The following WSB2 variants were observed in gnomAD, a reference collection of about 807,000 sequenced individuals.
WSB2 encodes the protein WD repeat and SOCS box containing 2.
WSB2 carries 12 observed loss-of-function variants against 48.8 expected under a neutral mutation model. That is an observed-to-expected ratio of 0.25 (90% confidence interval 0.16 to 0.40). The LOEUF (loss-of-function observed/expected upper bound fraction) is 0.40. WSB2 is among the 10% of genes least tolerant of loss of function. The pLI is 1.00. For synonymous variants in WSB2, 191 were observed against 203.1 expected, an observed-to-expected ratio of 0.94 and a Z score of 0.51; for missense variants, 317 against 506.2, an observed-to-expected ratio of 0.63 and a Z score of 3.59.
chr12:118,034,348 C>T lies in WSB2; in HGVS notation c.1063G>A (p.Gly355Ser), dbSNP rs1767104424. 6.2e-7 allele frequency: 1 copy of T among 1,613,784 alleles called. No individual in the cohort carries two copies. The highest frequency in any genetic ancestry group is 8.5e-7 in the Non-Finnish European group (1 of 1,179,788). ...GGAGCTGTCCAGAACTGGACGTGGC[C>T]ATCTCTTGTCCTAAAATGAAACAGA... is the stretch of plus-strand genomic sequence containing the variant. ...GGVIATGTRD[G>S]HVQFWTAPRV... The change falls in exon 9 of 9, where the codon GGC becomes AGC. Residue 355 changes from glycine (G) to serine (S), a missense_variant. By Grantham distance (56) the Gly-to-Ser change is moderately conservative. Around this residue, in one of 2 missense-constraint regions of WSB2, gnomAD observed 189 missense variants for 349.6 expected, o/e 0.54. Coordinates refer to ENST00000315436, the MANE Select transcript of WSB2 (RefSeq NM_018639.5).
chr12:118,062,119 G>A, upstream of WSB2: 1 of 1,535,354 alleles, frequency 6.5e-7, no homozygotes, highest in Non-Finnish European at 8.7e-7. Context: ...AGCCTCGCCT[G>A]TCCCCGTCCC....
intron 2 of WSB2, among the ~76,000 whole-genome samples, chr12:118,048,171 C>T (rs2031780523): frequency 6.6e-6 from 1 of 152,126 alleles, no homozygotes; most frequent in African/African-American, 2.4e-5. Flanking sequence ...TCAAGTGATC[C>T]TCCCACTTCT....
At chr12:118,057,921 A>ATTT (rs766442233) in intron 1 of WSB2, among the ~76,000 whole-genome samples, 1 of 143,772 alleles carries the variant, frequency 7.0e-6, no homozygotes, top group African/African-American at 2.5e-5. Flanking sequence ...CACACTCAGC[A>ATTT]TTTTTTTTTT....
At chr12:118,061,191 G>C, upstream of WSB2, 1 of 983,646 alleles carries the variant, frequency 1.0e-6, no homozygotes, top group South Asian at 4.7e-5. Context: ...CCGTCACATG[G>C]CGGTGGGCGC....
upstream of WSB2, chr12:118,062,172 A>T: frequency 6.5e-7 from 1 of 1,535,206 alleles, no homozygotes; most frequent in Non-Finnish European, 8.7e-7. Context: ...TAGCCTCAAG[A>T]AATGGCTCGC....
intron 2 of WSB2, among the ~76,000 whole-genome samples, chr12:118,046,840 T>A (rs2031756953): frequency 6.6e-6 from 1 of 152,196 alleles, no homozygotes; most frequent in African/African-American, 2.4e-5. Context: ...GGTGTGACCA[T>A]AGCTTACAGC....
rs898480300 is a variant in WSB2, at chr12:118,033,136, G to A, written c.*1060C>T. 1 of 152,134 alleles carries A rather than the reference G, an allele frequency of 6.6e-6. No homozygotes were observed. Among genetic ancestry groups the A allele is most frequent in the Non-Finnish European group, 1.5e-5 (1 of 68,026 alleles). The allele number at this position is 152,134 out of a possible 1,614,324, so 9.4% of individuals were successfully genotyped here. On this transcript the variant is annotated 3_prime_UTR_variant, in exon 9 of 9. Transcript: ENST00000315436. ...ATTAAATTTTCCTAAGGCAGGTTTT[G>A]TTTGAATGAGGTGTCTTGATTAGAT...
chr12:118,057,981 G>A (rs1443520143), intron 1 of WSB2, among the ~76,000 whole-genome samples: 1 of 151,190 alleles, frequency 6.6e-6, no homozygotes, highest in Non-Finnish European at 1.5e-5. Context: ...TGTTGACCAA[G>A]CTGGTTTTGA....
chr12:118,061,096 C>T lies in WSB2; in HGVS notation c.-48G>A, dbSNP rs1255099301. 3 of 980,814 alleles carry T rather than the reference C, an allele frequency of 3.1e-6. No homozygotes were observed. Among genetic ancestry groups the T allele is most frequent in the Non-Finnish European group, 3.6e-6 (3 of 828,316 alleles). 60.8% of individuals were successfully genotyped at this position (980,814 alleles called of 1,614,324 possible). ...GGCAGGCGGCGGGCGCCTCAGCCCC[C>T]CGGGCCGCGGGCCCTCATGCCGCCC... On this transcript the variant is annotated 5_prime_UTR_variant, in exon 1 of 9. Coordinates refer to ENST00000315436, the MANE Select transcript of WSB2 (RefSeq NM_018639.5).
chr12:118,062,034 G>A (rs2032081073), upstream of WSB2: 2 of 1,472,506 alleles, frequency 1.4e-6, no homozygotes, highest in African/African-American at 2.8e-5. Context: ...AAACCGGAGT[G>A]GGGGTGGGAA....
chr12:118,036,299 C>A (rs200118115), intron 6 of WSB2, 39 bp downstream of exon 6: 34 of 1,593,822 alleles, frequency 2.1e-5, no homozygotes, highest in Non-Finnish European at 2.7e-5. Context: ...CCTCATCAGT[C>A]CCCCCACAAA....
intron 1 of WSB2, among the ~76,000 whole-genome samples, chr12:118,055,761 T>C (rs1851077910): frequency 6.6e-6 from 1 of 151,630 alleles, no homozygotes; most frequent in African/African-American, 2.4e-5. Flanking sequence ...ATTACAGGCG[T>C]GCACCACCAC....
intron 6 of WSB2, 102 bp downstream of exon 6, chr12:118,036,235 GT>G: frequency 7.4e-7 from 1 of 1,357,440 alleles, no homozygotes; most frequent in East Asian, 2.3e-5. Flanking sequence ...TATCCAGCTT[GT>G]CCCCTCCCAT....
intron 6 of WSB2, chr12:118,035,574 G>A: frequency 2.2e-6 from 1 of 452,976 alleles, no homozygotes; most frequent in Non-Finnish European, 4.0e-6. Flanking sequence ...AAGTAGGTCA[G>A]CCCTCACTTT....
intron 2 of WSB2, among the ~76,000 whole-genome samples, chr12:118,045,790 T>C (rs75436645): frequency 0.028 from 4,243 of 151,828 alleles, 212 homozygotes; most frequent in African/African-American, 0.098. Context: ...CATCATGCCA[T>C]ACAATAGATC....
chr12:118,036,220 C>T, intron 6 of WSB2, 118 bp downstream of exon 6: 1 of 1,269,502 alleles, frequency 7.9e-7, no homozygotes, highest in East Asian at 2.4e-5. Context: ...CCCACTGTGC[C>T]TTTTTATCCA....
intron 4 of WSB2, among the ~76,000 whole-genome samples, chr12:118,039,948 G>T (rs2031594626): frequency 6.6e-6 from 1 of 151,944 alleles, no homozygotes; most frequent in Non-Finnish European, 1.5e-5. Flanking sequence ...GTTTCACCAT[G>T]TTGGCTAGGC....
intron 8 of WSB2, chr12:118,034,765 G>C (rs897485029): frequency 4.5e-5 from 25 of 561,500 alleles, no homozygotes; most frequent in Non-Finnish European, 1.9e-5. Flanking sequence ...GGCCCATTAG[G>C]TGGCATGACT....
At chr12:118,045,172 C>G (rs1449266735) in intron 2 of WSB2, among the ~76,000 whole-genome samples, 1 of 151,552 alleles carries the variant, frequency 6.6e-6, no homozygotes, top group Non-Finnish European at 1.5e-5. Flanking sequence ...GTCAGGAGAT[C>G]GAGACCACGG....
Sources: gnomAD v4.1 joint callset for allele counts (sites outside exome capture counted in the v4.1 genomes callset) on GRCh38, gnomAD v4.1.1 for gene constraint, gnomAD v4.1.1 regional missense constraint, MANE v1.5 for transcripts, NCBI Gene and HGNC (gene_info 2026-07-23, HGNC 2026-07-21) for gene names.